The following GNE variants were observed in gnomAD, a reference collection of about 807,000 sequenced individuals.
GNE encodes the protein glucosamine (UDP-N-acetyl)-2-epimerase/N-acetylmannosamine kinase.
A neutral mutation model predicts 61.8 loss-of-function variants in GNE; 41 were observed. That is an observed-to-expected ratio of 0.66 (90% CI 0.52 to 0.86). The LOEUF (loss-of-function observed/expected upper bound fraction) is 0.86. Among genes scored for constraint, GNE ranks in the 40% least tolerant of loss-of-function variants. The pLI is 0.00. For missense variants in GNE, 608 were observed against 909.1 expected (o/e 0.67, Z 4.26); for synonymous variants, 264 against 326.4 (o/e 0.81, Z 2.06).
chr9:36,218,147 C>T lies in GNE; in HGVS notation c.1933+36G>A, dbSNP rs1435196589. 3 of 1,408,890 alleles carry T rather than the reference C, an allele frequency of 2.1e-6. No individual in the cohort carries two copies. Among genetic ancestry groups the T allele is most frequent in the African/African-American group, 2.8e-5 (2 of 70,900 alleles). The allele number at this position is 1,408,890 out of a possible 1,614,324, so 87.3% of individuals were successfully genotyped here. ...TGGGCCATATGATATCTGAGGCCAC[C>T]CCCTGCAGCACAGCCACCTGCAGCC... is the stretch of plus-strand genomic sequence containing the variant. On this transcript the variant is annotated intron_variant, in intron 11 of 11. Coordinates refer to ENST00000642385, the MANE Select transcript of GNE (RefSeq NM_005476.7). This position sits in a 1 kb window ranked among gnomAD's most constrained non-coding sequence, Gnocchi z 4.1.
intron 7 of GNE, 48 bp downstream of exon 7, chr9:36,227,200 C>A (rs1828906918): frequency 2.5e-6 from 3 of 1,200,570 alleles, no homozygotes; most frequent in South Asian, 2.4e-5. Context: ...AAAAAAAAAT[C>A]AATCGCTCAT....
chr9:36,254,728 G>C (rs996893178), intron 1 of GNE, among the ~76,000 whole-genome samples: 1 of 152,130 alleles, frequency 6.6e-6, no homozygotes, highest in Admixed American at 6.5e-5. Flanking sequence ...GAGGCGGGCG[G>C]ATCACCTGAG....
chr9:36,260,282 A>G (rs1360685027), upstream of GNE, among the ~76,000 whole-genome samples: 1 of 103,140 alleles, frequency 9.7e-6, no homozygotes, highest in Admixed American at 9.2e-5. Context: ...CTCATCTCTT[A>G]AAAAAAAAAA....
intron 1 of GNE, among the ~76,000 whole-genome samples, chr9:36,264,665 T>G (rs1322175079): frequency 6.6e-6 from 1 of 152,098 alleles, no homozygotes. Context: ...CGACTAAGAA[T>G]CCCTAGGCCT....
Position 36,264,115 on chromosome 9 carries a change from TTTTA to T in GNE, c.51+12775_51+12778del, listed in dbSNP as rs200338141. Among the ~76,000 whole-genome samples the T allele has an allele frequency of 5.3e-3, 810 of 152,078 alleles. 8 individuals are homozygous for T. Among genetic ancestry groups the T allele is most frequent in the African/African-American group, 0.018 (732 of 41,476 alleles). ...ATCTACATGTATCCTTAAATCATCT[TTTTA>T]TTTATTTATTTATTTTATTATGTTT... On this transcript the variant is annotated intron_variant, in intron 1 of 11. Coordinates refer to the GNE transcript ENST00000396594.
At chr9:36,230,770 T>G (rs1392865114) in intron 5 of GNE, among the ~76,000 whole-genome samples, 2 of 151,864 alleles carry the variant, frequency 1.3e-5, no homozygotes, top group Admixed American at 1.3e-4. Flanking sequence ...CGCTAAAATT[T>G]TTTTGCAGAG....
intron 1 of GNE, chr9:36,276,873 A>G (rs778985982): frequency 8.2e-6 from 13 of 1,578,782 alleles, no homozygotes; most frequent in East Asian, 2.3e-5. Flanking sequence ...ATAAAGCTCT[A>G]TTGAATTCCG....
At chr9:36,240,932 T>C (rs1409629165) in intron 3 of GNE, among the ~76,000 whole-genome samples, 2 of 152,192 alleles carry the variant, frequency 1.3e-5, no homozygotes, top group African/African-American at 2.4e-5. Context: ...TTCTAGTTTA[T>C]GTGTGTCAAG....
chr9:36,244,703 C>T (rs137985928), intron 3 of GNE, among the ~76,000 whole-genome samples: 1,689 of 146,692 alleles, frequency 0.012, 31 homozygotes, highest in African/African-American at 0.039. Flanking sequence ...TTTGGGAGGC[C>T]GAGGTGGGCG....
intron 5 of GNE, among the ~76,000 whole-genome samples, chr9:36,233,339 T>C (rs1193798767): frequency 6.6e-6 from 1 of 152,062 alleles, no homozygotes; most frequent in Non-Finnish European, 1.5e-5. Context: ...TCAACCACAT[T>C]CTCTCTTAAA....
intron 1 of GNE, chr9:36,264,990 C>A: frequency 4.1e-6 from 1 of 242,102 alleles, no homozygotes; most frequent in South Asian, 6.3e-5. Context: ...TGTTACCGCT[C>A]AAGCTAAGCT....
At position 36,214,908 on chromosome 9, in the gene GNE, T is replaced by C. The variant is rs1828198475; in HGVS notation, c.*2457A>G. On this transcript the variant is annotated 3_prime_UTR_variant, in exon 12 of 12. Transcript: ENST00000642385. ...GGAAGGATATAGTTCAAATGTAATG[T>C]TGAGTCCTTCAGTTTATTTGAACAC... The C allele has an allele frequency of 6.6e-6, 1 of 152,248 alleles. No individual in the cohort carries two copies. The highest frequency in any genetic ancestry group is 1.9e-4 in the East Asian group (1 of 5,202). The allele number at this position is 152,248 out of a possible 1,614,324, so 9.4% of individuals were successfully genotyped here.
chr9:36,261,660 C>T (rs1403762627), upstream of GNE, among the ~76,000 whole-genome samples: 1 of 151,412 alleles, frequency 6.6e-6, no homozygotes, highest in Non-Finnish European at 1.5e-5. Flanking sequence ...GTGGCTCAAG[C>T]TTGTAATCCC....
chr9:36,250,245 A>G (rs1830062784), intron 1 of GNE, among the ~76,000 whole-genome samples: 1 of 152,178 alleles, frequency 6.6e-6, no homozygotes, highest in Non-Finnish European at 1.5e-5. Flanking sequence ...CTTCCTAAAT[A>G]CAAGGTATTG....
intron 7 of GNE, 36 bp from the exon 8 acceptor site, chr9:36,223,538 C>G: frequency 1.3e-5 from 20 of 1,581,288 alleles, no homozygotes; most frequent in Non-Finnish European, 1.7e-5. Flanking sequence ...TCTTACTGGT[C>G]TTAGCTAAGC....
rs1452905674 is a variant in GNE at position 36,227,465 on chromosome 9, T to C, written c.1071-7A>G. ...ATCCCCATATATCTTTGAACTGCAA[T>C]ATACAAAAAGTCAATTAAATTATAT... On this transcript the variant is annotated splice_region_variant and splice_polypyrimidine_tract_variant and intron_variant, in intron 6 of 11. Transcript: ENST00000642385. The C allele has an allele frequency of 6.4e-7, 1 of 1,557,146 alleles. No homozygotes were observed. Among genetic ancestry groups the C allele is most frequent in the East Asian group, 2.2e-5 (1 of 44,546 alleles).
chr9:36,223,696 T>C (rs940645864), intron 7 of GNE, among the ~76,000 whole-genome samples, 194 bp from the exon 8 acceptor site: 4 of 151,724 alleles, frequency 2.6e-5, no homozygotes, highest in Admixed American at 1.3e-4. Flanking sequence ...CTGTAATCTG[T>C]CCTAATATGG....
chr9:36,258,014 G>A (rs1830458798), intron 1 of GNE, among the ~76,000 whole-genome samples: 1 of 151,962 alleles, frequency 6.6e-6, no homozygotes. Context: ...GGGACAGTCA[G>A]CATCCCCCCT....
intron 1 of GNE, among the ~76,000 whole-genome samples, chr9:36,251,705 G>C (rs1176739258): frequency 1.3e-5 from 2 of 152,138 alleles, no homozygotes; most frequent in African/African-American, 2.4e-5. Context: ...GGAATCCAGA[G>C]ACACTTCAGT....
Sources: gnomAD v4.1 joint callset for allele counts (sites outside exome capture counted in the v4.1 genomes callset) on GRCh38, gnomAD v4.1.1 for gene constraint, Gnocchi (gnomAD v3.1) non-coding constraint, MANE v1.5 for transcripts, NCBI Gene and HGNC (gene_info 2026-07-23, HGNC 2026-07-21) for gene names.